CBY1: variants seen among roughly 807,000 people sequenced by gnomAD.
CBY1 encodes protein chibby homolog 1.
CBY1 carries 10 observed loss-of-function variants against 15.6 expected under a neutral mutation model. The ratio of observed to expected loss-of-function variants is 0.64; its 90% confidence interval spans 0.40 to 1.09. The LOEUF (loss-of-function observed/expected upper bound fraction) is 1.09, where lower values mean the gene tolerates loss of function less well. Ranked by LOEUF, CBY1 falls within the 50% of genes least tolerant of loss-of-function variation. The probability of loss-of-function intolerance (pLI) is 0.01; values close to 1 mark genes in which losing one functional copy is unlikely to be tolerated. For missense variants in CBY1, 150 were observed against 160.5 expected, an observed-to-expected ratio of 0.93 and a Z score of 0.35; for synonymous variants, 61 against 63.5, an observed-to-expected ratio of 0.96 and a Z score of 0.19.
chr22:38,668,374 T>C, intron 2 of CBY1: 1 of 384,410 alleles, frequency 2.6e-6, no homozygotes, highest in Non-Finnish European at 4.7e-6. Context: ...ATCCAAATTT[T>C]TTTTTTCTTT....
chr22:38,659,549 T>TTAGG (rs1476325334), intron 1 of CBY1, among the ~76,000 whole-genome samples: 1 of 152,050 alleles, frequency 6.6e-6, no homozygotes, highest in Non-Finnish European at 1.5e-5. Context: ...CGTGCCCGGC[T>TTAGG]TAGGCCCACA....
intron 2 of CBY1, among the ~76,000 whole-genome samples, chr22:38,669,418 T>C (rs2092446217): frequency 6.6e-6 from 1 of 152,152 alleles, no homozygotes; most frequent in Admixed American, 6.5e-5. Context: ...GATACCTTTC[T>C]ATGTGCCAGG....
At chr22:38,670,820 G>A (rs2092450238) in intron 2 of CBY1, 64 bp from the exon 3 acceptor site, 7 of 1,021,674 alleles carry the variant, frequency 6.9e-6, no homozygotes, top group Non-Finnish European at 1.1e-5. Flanking sequence ...GTTGGCGGAA[G>A]AGGAGCTGGG....
chr22:38,664,773 C>G (rs149096226), intron 1 of CBY1, among the ~76,000 whole-genome samples: 1 of 151,996 alleles, frequency 6.6e-6, no homozygotes, highest in Non-Finnish European at 1.5e-5. Context: ...ATAGTTATAC[C>G]CCTAAGTATG....
intron 1 of CBY1, among the ~76,000 whole-genome samples, chr22:38,659,536 C>T (rs1389265152): frequency 1.3e-5 from 2 of 152,104 alleles, no homozygotes; most frequent in African/African-American, 4.8e-5. Context: ...AGGCATGAGC[C>T]ACCGTGCCCG....
chr22:38,668,946 G>A (rs991489668), intron 2 of CBY1, among the ~76,000 whole-genome samples: 2 of 152,214 alleles, frequency 1.3e-5, no homozygotes, highest in African/African-American at 2.4e-5. Context: ...CCCTAGGCCT[G>A]AGGCTCCCTT....
intron 1 of CBY1, among the ~76,000 whole-genome samples, chr22:38,657,830 T>A (rs1477160765): frequency 1.3e-5 from 2 of 152,304 alleles, no homozygotes; most frequent in African/African-American, 4.8e-5. Context: ...GGGACTTGAC[T>A]TATTTCTCCT....
intron 1 of CBY1, among the ~76,000 whole-genome samples, chr22:38,666,269 C>T (rs1233237635): frequency 1.3e-5 from 2 of 148,838 alleles, no homozygotes; most frequent in Admixed American, 1.3e-4. Context: ...TTGGTAGAGA[C>T]GGGCCCTGCT....
intron 4 of CBY1, chr22:38,671,389 C>T: frequency 1.7e-6 from 1 of 573,562 alleles, no homozygotes; most frequent in Non-Finnish European, 3.1e-6. Context: ...AGCATAATTA[C>T]ATAAGGACCC....
intron 1 of CBY1, chr22:38,657,044 T>C (rs2294296): frequency 0.29 from 206,057 of 702,552 alleles, 30,376 homozygotes; most frequent in East Asian, 0.36. Flanking sequence ...GGGCCGTGCA[T>C]CTGCGTAACA....
In CBY1 at chr22:38,659,449, CAT is replaced by C. The variant is rs949436475; in HGVS notation, c.-39+2700_-39+2701del. 6.6e-5 allele frequency among the ~76,000 whole-genome samples: 10 copies of C among 152,154 alleles called. No homozygotes were observed. In the South Asian group the frequency reaches 1.9e-3, roughly 28 times the overall value. On this transcript the variant is annotated intron_variant, in intron 1 of 4. Coordinates refer to ENST00000216029, the MANE Select transcript of CBY1 (RefSeq NM_015373.4). Reference sequence around the variant, plus strand: ...TTTTTTAGTAGTGACAGGGTTTCATCATGTTGGCCAGGCTGGTCTCAAACTCC... The same window carrying C: ...TTTTTTAGTAGTGACAGGGTTTCATCGTTGGCCAGGCTGGTCTCAAACTCC...
At chr22:38,657,655 GTAGTGTTATGAGAAT>G (rs1354903115) in intron 1 of CBY1, among the ~76,000 whole-genome samples, 5 of 152,236 alleles carry the variant, frequency 3.3e-5, no homozygotes, top group African/African-American at 1.2e-4. Context: ...GCTCCCAGCT[GTAGTGTTATGAGAAT>G]TAGTGCGGTC....
chr22:38,663,046 G>T (rs2092426290), intron 1 of CBY1, among the ~76,000 whole-genome samples: 1 of 152,088 alleles, frequency 6.6e-6, no homozygotes, highest in African/African-American at 2.4e-5. Context: ...CTTGAACCCA[G>T]GAAGCAGAGG....
In CBY1 at chr22:38,673,573, G is replaced by C. The variant is rs1259816702; in HGVS notation, c.*337G>C. On this transcript the variant is annotated 3_prime_UTR_variant, in exon 5 of 5. Transcript: ENST00000216029. ...ATAGCTCTGTTGGGTTGTGTTGGGA[G>C]AAGCGGCTGGAGTTCATTCTCTCAC... The C allele has an allele frequency of 3.3e-5, 8 of 244,660 alleles. No homozygotes were observed. The East Asian group carries it at 6.8e-4, about 21-fold the overall frequency. The allele number at this position is 244,660 out of a possible 1,614,324, so 15.2% of individuals were successfully genotyped here.
chr22:38,664,094 A>G (rs2092429650), intron 1 of CBY1, among the ~76,000 whole-genome samples: 1 of 152,136 alleles, frequency 6.6e-6, no homozygotes, highest in Non-Finnish European at 1.5e-5. Flanking sequence ...ACATATATAC[A>G]GTAGTGAAAC....
chr22:38,670,879 C>T lies in CBY1; in HGVS notation c.79-5C>T. The T allele has an allele frequency of 6.2e-7, 1 of 1,611,040 alleles. No individual in the cohort carries two copies. The highest frequency in any genetic ancestry group is 8.5e-7 in the Non-Finnish European group (1 of 1,177,372). ...TGAAGTTGTCACATAGCATCTCGCC[C>T]ACAGTTGGATCGATCAACCCGGGAG... On this transcript the variant is annotated splice_region_variant and splice_polypyrimidine_tract_variant and intron_variant, in intron 2 of 4. Coordinates refer to ENST00000216029, the MANE Select transcript of CBY1 (RefSeq NM_015373.4).
chr22:38,668,370 AT>A (rs924820095), intron 2 of CBY1: 226 of 410,822 alleles, frequency 5.5e-4, no homozygotes, highest in South Asian at 9.4e-4. Flanking sequence ...AAATATCCAA[AT>A]TTTTTTTTTC....
At chr22:38,663,568 T>C (rs1327323312) in intron 1 of CBY1, among the ~76,000 whole-genome samples, 1 of 150,886 alleles carries the variant, frequency 6.6e-6, no homozygotes, top group African/African-American at 2.4e-5. Flanking sequence ...TGGTGGCGCA[T>C]GCCTGTAATC....
intron 1 of CBY1, chr22:38,657,236 T>C: frequency 2.6e-6 from 1 of 383,224 alleles, no homozygotes; most frequent in Non-Finnish European, 3.6e-6. Context: ...GGGAAGGCTC[T>C]ACTTACTCGA....
Sources: allele counts gnomAD v4.1 joint callset (sites outside exome capture counted in the v4.1 genomes callset), GRCh38; gene constraint gnomAD v4.1.1; transcripts MANE v1.5; gene names NCBI Gene and HGNC (gene_info 2026-07-23, HGNC 2026-07-21).